Variants in THBS4 observed in about 807,000 individuals in gnomAD.
THBS4 encodes the protein thrombospondin 4.
Under a neutral mutation model 115.7 loss-of-function variants are expected in THBS4, and 90 were observed. That is an observed-to-expected ratio of 0.78 (90% CI 0.66 to 0.93). The LOEUF is 0.93. Ranked by LOEUF, THBS4 falls within the 40% of genes least tolerant of loss-of-function variation. The pLI is 0.00. For missense variants in THBS4, 1,087 were observed against 1,232.7 expected, an observed-to-expected ratio of 0.88 and a Z score of 1.77; for synonymous variants, 460 against 479.3, an observed-to-expected ratio of 0.96 and a Z score of 0.53.
At chr5:80,006,256 C>A (rs886187432) in intron 2 of THBS4, among the ~76,000 whole-genome samples, 42 of 152,156 alleles carry the variant, frequency 2.8e-4, no homozygotes, top group African/African-American at 9.7e-4. Context: ...TTGAATTGTA[C>A]TCCCATAATT....
At chr5:80,046,938 A>C (rs1051039358) in intron 2 of THBS4, among the ~76,000 whole-genome samples, 2 of 152,246 alleles carry the variant, frequency 1.3e-5, no homozygotes, top group African/African-American at 4.8e-5. Context: ...AAGTCCTACC[A>C]GATAATACAA....
chr5:80,078,307 G>A, intron 17 of THBS4, 80 bp downstream of exon 17: 1 of 1,271,832 alleles, frequency 7.9e-7, no homozygotes, highest in Non-Finnish European at 1.1e-6. Context: ...CATGTTTAGA[G>A]GGTGCAGACA....
chr5:80,065,504 T>C, intron 9 of THBS4, 27 bp downstream of exon 9: 4 of 1,605,132 alleles, frequency 2.5e-6, no homozygotes, highest in Non-Finnish European at 3.4e-6. Context: ...GCTGTTGTTA[T>C]CAAAGCAGAA....
At chr5:80,081,278 T>C (rs1743492303) in intron 20 of THBS4, among the ~76,000 whole-genome samples, 1 of 152,196 alleles carries the variant, frequency 6.6e-6, no homozygotes, top group Non-Finnish European at 1.5e-5. Flanking sequence ...AGTGAGATGA[T>C]CATGTTCTCA....
Position 80,061,755 on chromosome 5 carries a change from T to A in THBS4, c.1048T>A (p.Cys350Ser). ...HCINLSPGFR[C>S]DACPVGFTGP... ...CATAAATTTGTCTCCTGGCTTCAGA[T>A]GTGACGCCTGCCCAGTGGGCTTCAC... Residue 350 changes from cysteine to serine, a missense_variant, in exon 8 of 22, where the codon TGT (cysteine) becomes AGT (serine). This residue lies in a region of THBS4 where 979 missense variants were observed against 1,103.7 expected (regional missense o/e 0.89). Coordinates refer to ENST00000350881, the MANE Select transcript of THBS4 (RefSeq NM_003248.6). The A allele has an allele frequency of 6.2e-7, 1 of 1,614,136 alleles. No individual in the cohort carries two copies. The highest frequency in any genetic ancestry group is 8.5e-7 in the Non-Finnish European group (1 of 1,180,018).
chr5:80,029,827 G>A (rs1031270542), intron 2 of THBS4, among the ~76,000 whole-genome samples: 2 of 151,776 alleles, frequency 1.3e-5, no homozygotes, highest in African/African-American at 4.8e-5. Flanking sequence ...AAAATTAGCC[G>A]GGCATGGTGG....
chr5:80,038,036 G>A (rs900192515), intron 1 of THBS4, among the ~76,000 whole-genome samples: 4 of 152,094 alleles, frequency 2.6e-5, no homozygotes. Flanking sequence ...AAGACAAATT[G>A]TCTTTTAAAA....
intron 2 of THBS4, among the ~76,000 whole-genome samples, chr5:80,015,830 C>G (rs1358990742): frequency 1.3e-5 from 2 of 152,148 alleles, no homozygotes; most frequent in Non-Finnish European, 2.9e-5. Context: ...AAGCAGACTG[C>G]CAATGTTGTC....
Position 80,035,531 on chromosome 5 carries a change from A to T in THBS4, c.-7A>T. 1 of 1,372,460 alleles carries T rather than the reference A, an allele frequency of 7.3e-7. No individual in the cohort carries two copies. 85.0% of individuals were successfully genotyped at this position (1,372,460 alleles called of 1,614,324 possible). ...CCCCGGCCTCGCGGGGAGCAGGAAG[A>T]GCCAACATGCTGGCCCCGCGCGGAG... On this transcript the variant is annotated 5_prime_UTR_variant, in exon 1 of 22. Transcript: ENST00000350881. The surrounding 1 kb of genome is among the most constrained non-coding windows in gnomAD (Gnocchi z 4.6).
intron 21 of THBS4, 100 bp from the exon 22 acceptor site, chr5:80,082,980 C>G: frequency 9.6e-7 from 1 of 1,041,656 alleles, no homozygotes; most frequent in Non-Finnish European, 1.5e-6. Flanking sequence ...CCTGGGCGGG[C>G]TAACAGCGCC....
chr5:80,059,470 A>T lies in THBS4; in HGVS notation c.763A>T (p.Ile255Leu). 1 of 1,614,122 alleles carries T rather than the reference A, an allele frequency of 6.2e-7. No homozygotes were observed. Among genetic ancestry groups the T allele is most frequent in the South Asian group, 1.1e-5 (1 of 91,086 alleles). ...GGAAACATCATTTTTGCGAAACACC[A>T]TAGCTGAATGCCAGGCTTGCGGTAA... ...VKETSFLRNT[I>L]AECQACGPLK... The change falls in exon 6 of 22, where the codon ATA (isoleucine) becomes TTA (leucine). Residue 255 changes from isoleucine to leucine, a missense_variant. Physicochemically the swap from Ile to Leu is conservative, Grantham distance 5. Transcript: ENST00000350881.
At chr5:80,033,166 A>G, upstream of THBS4, 1 of 422,768 alleles carries the variant, frequency 2.4e-6, no homozygotes, top group South Asian at 2.0e-5. Flanking sequence ...ACCTGGCATG[A>G]TCAACTCTGT....
At chr5:80,047,497 G>A (rs1378309598) in intron 2 of THBS4, among the ~76,000 whole-genome samples, 2 of 152,032 alleles carry the variant, frequency 1.3e-5, no homozygotes, top group Non-Finnish European at 2.9e-5. Flanking sequence ...TGAAAAATAT[G>A]AAAATTGCCT....
chr5:80,055,796 T>A lies in THBS4; in HGVS notation c.304T>A (p.Tyr102Asn), dbSNP rs1833405186. ...MGRLNKAILR[Y>N]LKNDGKVHLV... ...GTGCTTGCTTCCAGCCATCCTCCGT[T>A]ACCTGAAGAACGATGGGAAGGTGCA... Residue 102 changes from tyrosine (Y) to asparagine (N), a missense_variant, in exon 3 of 22, where the codon TAC (tyrosine) becomes AAC (asparagine). This residue lies in a region of THBS4 where 979 missense variants were observed against 1,103.7 expected (regional missense o/e 0.89). Coordinates refer to ENST00000350881, the MANE Select transcript of THBS4 (RefSeq NM_003248.6). The A allele has an allele frequency of 6.2e-7, 1 of 1,613,420 alleles. No individual in the cohort carries two copies. Among genetic ancestry groups the A allele is most frequent in the Admixed American group, 1.7e-5 (1 of 60,008 alleles).
At chr5:80,082,962 C>G in intron 21 of THBS4, 118 bp from the exon 22 acceptor site, 2 of 587,496 alleles carry the variant, frequency 3.4e-6, no homozygotes, top group Middle Eastern at 4.7e-4. Context: ...CGAGGGCCTG[C>G]GGGGCGTCCT....
intron 2 of THBS4, among the ~76,000 whole-genome samples, chr5:80,000,443 A>G (rs1480415944): frequency 4.6e-5 from 7 of 151,808 alleles, no homozygotes; most frequent in Non-Finnish European, 1.0e-4. Context: ...TCCCACATCT[A>G]CCCAGTAACT....
At chr5:80,056,738 C>A (rs1031216568) in intron 3 of THBS4, among the ~76,000 whole-genome samples, 55 of 151,836 alleles carry the variant, frequency 3.6e-4, no homozygotes, top group African/African-American at 1.3e-3. Flanking sequence ...TGAATTTCAT[C>A]CGCTATATAA....
intron 15 of THBS4, 46 bp downstream of exon 15, chr5:80,073,373 G>T: frequency 6.3e-7 from 1 of 1,581,184 alleles, no homozygotes; most frequent in Non-Finnish European, 8.7e-7. Flanking sequence ...CAAACATCCG[G>T]AGAGGGTTTT....
upstream of THBS4, among the ~76,000 whole-genome samples, chr5:80,031,881 G>T (rs1282733351): frequency 6.6e-6 from 1 of 152,130 alleles, no homozygotes; most frequent in Non-Finnish European, 1.5e-5. Flanking sequence ...CCTATTAATG[G>T]ATTACTAATA....
Sources: gnomAD v4.1 joint callset for allele counts (sites outside exome capture counted in the v4.1 genomes callset) on GRCh38, gnomAD v4.1.1 for gene constraint, gnomAD v4.1.1 regional missense constraint, Gnocchi (gnomAD v3.1) non-coding constraint, MANE v1.5 for transcripts, NCBI Gene and HGNC (gene_info 2026-07-23, HGNC 2026-07-21) for gene names.